Variants in ACYP2 observed in about 807,000 individuals in gnomAD.
The protein encoded by ACYP2 is acylphosphatase 2.
In ACYP2, 12 loss-of-function variants were observed where a neutral mutation model predicts 11.2. The observed-to-expected ratio is 1.08, with a 90% CI of 0.69 to 1.74. The LOEUF is 1.74. Among genes scored for constraint, ACYP2 ranks in the 40% most tolerant of loss-of-function variants. The pLI is 0.00. For missense variants in ACYP2, 134 were observed against 101.9 expected, an observed-to-expected ratio of 1.31 and a Z score of -1.35; for synonymous variants, 43 against 32.2, an observed-to-expected ratio of 1.33 and a Z score of -1.13.
chr2:54,007,624 G>A (rs564871202), intron 2 of ACYP2, among the ~76,000 whole-genome samples: 139 of 152,272 alleles, frequency 9.1e-4, no homozygotes, highest in Non-Finnish European at 1.7e-3. Context: ...CCAGCACTTT[G>A]GGATACTGAG....
intron 1 of ACYP2, among the ~76,000 whole-genome samples, chr2:53,973,343 A>G (rs1329945644): frequency 2.6e-5 from 4 of 152,208 alleles, no homozygotes; most frequent in Admixed American, 2.6e-4. Flanking sequence ...GATGAGTGTC[A>G]GGCCTCTGAG....
chr2:54,086,625 C>T (rs750759415), intron 4 of ACYP2, among the ~76,000 whole-genome samples: 12 of 152,206 alleles, frequency 7.9e-5, no homozygotes, highest in Non-Finnish European at 1.8e-4. Flanking sequence ...CTTATTACAT[C>T]AAGGAGCTGG....
At chr2:54,072,842 C>T (rs112562129) in intron 4 of ACYP2, among the ~76,000 whole-genome samples, 7 of 152,100 alleles carry the variant, frequency 4.6e-5, no homozygotes, top group Admixed American at 2.0e-4. Flanking sequence ...GGATTACAGA[C>T]GTGAGCTGCC....
intron 6 of ACYP2, among the ~76,000 whole-genome samples, chr2:54,180,364 G>A (rs1361596581): frequency 6.6e-6 from 1 of 151,996 alleles, no homozygotes; most frequent in East Asian, 1.9e-4. Context: ...TTAGCGGGTG[G>A]GGCTGAATAT....
chr2:53,971,644 C>T (rs967512791), intron 1 of ACYP2, among the ~76,000 whole-genome samples: 5 of 152,112 alleles, frequency 3.3e-5, no homozygotes, highest in Admixed American at 2.0e-4. Context: ...GAGATAAAGA[C>T]GTGAATTACA....
At chr2:53,997,230 C>T (rs562696156) in intron 2 of ACYP2, among the ~76,000 whole-genome samples, 1 of 152,300 alleles carries the variant, frequency 6.6e-6, no homozygotes, top group South Asian at 2.1e-4. Flanking sequence ...TACTATAGTA[C>T]AGTATAGTAT....
intron 4 of ACYP2, among the ~76,000 whole-genome samples, chr2:54,107,408 T>C (rs1225522875): frequency 2.6e-5 from 4 of 152,226 alleles, no homozygotes; most frequent in Non-Finnish European, 5.9e-5. Context: ...CAATCTTTAT[T>C]TCTTCTCTTT....
intron 6 of ACYP2, among the ~76,000 whole-genome samples, chr2:54,299,253 T>C (rs1050416313): frequency 6.6e-6 from 1 of 152,016 alleles, no homozygotes; most frequent in Admixed American, 6.6e-5. Context: ...GAAAAAGATA[T>C]CAAGATACCA....
intron 5 of ACYP2, among the ~76,000 whole-genome samples, chr2:54,136,972 A>T (rs1681282915): frequency 6.6e-6 from 1 of 152,044 alleles, no homozygotes. Flanking sequence ...GTGAAATTCC[A>T]TCTCAGAAGA....
At chr2:54,171,228 T>A (rs1558585462) in intron 6 of ACYP2, among the ~76,000 whole-genome samples, 1 of 152,112 alleles carries the variant, frequency 6.6e-6, no homozygotes. Context: ...GTGTCTGCTG[T>A]CCAGCCCCAA....
At chr2:54,055,436 A>C (rs553852597) in intron 3 of ACYP2, among the ~76,000 whole-genome samples, 1 of 152,360 alleles carries the variant, frequency 6.6e-6, no homozygotes, top group South Asian at 2.1e-4. Flanking sequence ...TGTGATAATA[A>C]TGTAAACAAT....
At chr2:54,296,306 GT>G (rs1689522090) in intron 6 of ACYP2, among the ~76,000 whole-genome samples, 4 of 152,126 alleles carry the variant, frequency 2.6e-5, no homozygotes, top group Admixed American at 1.3e-4. Context: ...TAAATGCGTG[GT>G]GCTTACTGTA....
chr2:54,095,380 G>A (rs372481893), intron 4 of ACYP2, among the ~76,000 whole-genome samples: 1 of 152,230 alleles, frequency 6.6e-6, no homozygotes, highest in South Asian at 2.1e-4. Flanking sequence ...ATCCTGGCCC[G>A]TTCTCAAGGA....
chr2:54,057,402 C>A, intron 4 of ACYP2: 1 of 396,454 alleles, frequency 2.5e-6, no homozygotes, highest in Non-Finnish European at 4.4e-6. Flanking sequence ...GAATATCTAC[C>A]TTTTACAGTT....
chr2:54,003,454 T>C (rs773547559), intron 2 of ACYP2, among the ~76,000 whole-genome samples: 10 of 151,984 alleles, frequency 6.6e-5, no homozygotes, highest in Non-Finnish European at 1.3e-4. Flanking sequence ...TAGATGGGGT[T>C]TCTCCATGTT....
In ACYP2 at chr2:54,304,859, T is replaced by C. The variant is rs1689859653; in HGVS notation, c.*57T>C. On this transcript the variant is annotated 3_prime_UTR_variant, in exon 7 of 7. Coordinates refer to ENST00000607452, the MANE Select transcript of ACYP2 (RefSeq NM_001320586.2). Reference sequence around the variant, plus strand: ...TAGATACTGTATGTTCTTAAGACTATGTATACTAGAATAATAGTAGCAGAG... The same window carrying C: ...TAGATACTGTATGTTCTTAAGACTACGTATACTAGAATAATAGTAGCAGAG... 3.0e-6 allele frequency: 3 copies of C among 998,054 alleles called. No individual in the cohort carries two copies. The highest frequency in any genetic ancestry group is 3.2e-5 in the South Asian group (2 of 63,120). The allele number at this position is 998,054 out of a possible 1,614,324, so 61.8% of individuals were successfully genotyped here.
intron 6 of ACYP2, among the ~76,000 whole-genome samples, chr2:54,140,051 T>C (rs1282411499): frequency 6.6e-6 from 1 of 152,218 alleles, no homozygotes; most frequent in Non-Finnish European, 1.5e-5. Context: ...TGTTTGTGTG[T>C]AAAACTACAC....
chr2:53,996,819 C>T (rs1046116321), intron 2 of ACYP2, among the ~76,000 whole-genome samples: 1 of 152,188 alleles, frequency 6.6e-6, no homozygotes, highest in Non-Finnish European at 1.5e-5. Context: ...TCTCCTAATT[C>T]TTCTTCTTTG....
intron 6 of ACYP2, among the ~76,000 whole-genome samples, chr2:54,245,093 CTTTT>C: frequency 6.6e-6 from 1 of 151,144 alleles, no homozygotes; most frequent in South Asian, 2.1e-4. Context: ...AAGAGATTGG[CTTTT>C]TTTTTAGCTC....
Sources: gnomAD v4.1 joint callset for allele counts (sites outside exome capture counted in the v4.1 genomes callset) on GRCh38, gnomAD v4.1.1 for gene constraint, MANE v1.5 for transcripts, NCBI Gene and HGNC (gene_info 2026-07-23, HGNC 2026-07-21) for gene names.